Variants in FAR2 observed in about 807,000 individuals in gnomAD.
FAR2 encodes fatty acyl-CoA reductase 2.
In FAR2, 19 loss-of-function variants were observed where a neutral mutation model predicts 56.0. The ratio of observed to expected loss-of-function variants is 0.34; its 90% CI spans 0.24 to 0.50. The LOEUF (loss-of-function observed/expected upper bound fraction) is 0.50. Among genes scored for constraint, FAR2 ranks in the 20% least tolerant of loss-of-function variants. The pLI is 0.98. For missense variants in FAR2, 508 were observed against 642.2 expected, an observed-to-expected ratio of 0.79 and a Z score of 2.26; for synonymous variants, 219 against 218.8, an observed-to-expected ratio of 1.00 and a Z score of -0.01.
At chr12:29,316,382 G>A (rs746068496) in intron 8 of FAR2, among the ~76,000 whole-genome samples, 1 of 152,106 alleles carries the variant, frequency 6.6e-6, no homozygotes, top group African/African-American at 2.4e-5. Context: ...CTTGCCTTGA[G>A]AATCTTTACA....
chr12:29,178,777 A>G lies in FAR2; in HGVS notation c.-39+29370A>G, dbSNP rs551328202. Among the ~76,000 whole-genome samples, 127 of 152,350 alleles carry G rather than the reference A, an allele frequency of 8.3e-4. 1 individual carries two copies. Among genetic ancestry groups the G allele is most frequent in the African/African-American group, 2.9e-3 (119 of 41,578 alleles). ...AAATATCTTCCTTTGCTGACAATATATGGCTTAATTTACGTGTTTATTGAA... is the reference window on the plus strand; with the variant it reads ...AAATATCTTCCTTTGCTGACAATATGTGGCTTAATTTACGTGTTTATTGAA... On this transcript the variant is annotated intron_variant, in intron 1 of 11. Transcript: ENST00000536681.
intron 1 of FAR2, among the ~76,000 whole-genome samples, chr12:29,252,626 A>T (rs1274572223): frequency 9.2e-5 from 14 of 152,234 alleles, no homozygotes; most frequent in Admixed American, 3.3e-4. Context: ...TAAGTTACAG[A>T]TATCACGAAA....
chr12:29,180,044 A>G (rs1949977933), intron 1 of FAR2, among the ~76,000 whole-genome samples: 3 of 152,298 alleles, frequency 2.0e-5, no homozygotes, highest in East Asian at 3.9e-4. Context: ...ACCTTGAGAC[A>G]ATTCAATAGT....
At position 29,218,526 on chromosome 12, in the gene FAR2, C is replaced by T. The variant is rs181777062; in HGVS notation, c.-38-51886C>T. On this transcript the variant is annotated intron_variant, in intron 1 of 11. Transcript: ENST00000536681. The stretch of plus-strand genomic sequence containing the variant: ...GAAAAAGCACATGGACAATCTCAAA[C>T]AGTCAAATATATGTGTAACTGAAGT... 4.8e-3 allele frequency among the ~76,000 whole-genome samples: 722 copies of T among 151,734 alleles called. 7 individuals are homozygous for T. Among genetic ancestry groups the T allele is most frequent in the African/African-American group, 0.017 (688 of 41,484 alleles).
At chr12:29,247,946 A>G (rs1216054822) in intron 1 of FAR2, among the ~76,000 whole-genome samples, 1 of 152,260 alleles carries the variant, frequency 6.6e-6, no homozygotes, top group African/African-American at 2.4e-5. Flanking sequence ...AACATCAGGA[A>G]GTAAGAACCC....
At position 29,270,591 on chromosome 12, in the gene FAR2, G is replaced by A. The variant is rs73063608; in HGVS notation, c.142G>A (p.Ala48Thr). 8 of 1,614,030 alleles carry A rather than the reference G, an allele frequency of 5.0e-6. No homozygotes were observed. Among genetic ancestry groups the A allele is most frequent in the Non-Finnish European group, 5.9e-6 (7 of 1,179,910 alleles). Residue 48 changes from alanine (A) to threonine (T), a missense_variant, in exon 2 of 12, where the codon GCT (alanine) becomes ACT (threonine). Transcript: ENST00000536681. ...KVIYILVRPK[A>T]GQTLQQRVFQ... Reference sequence around the variant, plus strand: ...CATTTACATCCTTGTGAGGCCCAAGGCTGGCCAGACACTGCAGCAGAGGGT... The same window carrying A: ...CATTTACATCCTTGTGAGGCCCAAGACTGGCCAGACACTGCAGCAGAGGGT...
In FAR2 at chr12:29,297,963, G is replaced by A. The variant is rs187537044; in HGVS notation, c.545+763G>A. Reference sequence around the variant, plus strand: ...CCTGGGGAGAATCGCTTGAACCTGGGAGGCAGAGGTTGCAATGAGCCGAGA... The same window carrying A: ...CCTGGGGAGAATCGCTTGAACCTGGAAGGCAGAGGTTGCAATGAGCCGAGA... On this transcript the variant is annotated intron_variant, in intron 4 of 11. Coordinates refer to ENST00000536681, the MANE Select transcript of FAR2 (RefSeq NM_001271783.2). Among the ~76,000 whole-genome samples, 46 of 151,272 alleles carry A rather than the reference G, an allele frequency of 3.0e-4. No individual in the cohort carries two copies. The East Asian group carries it at 9.0e-3, about 30-fold the overall frequency.
At chr12:29,250,288 G>A (rs1948187581) in intron 1 of FAR2, among the ~76,000 whole-genome samples, 1 of 152,102 alleles carries the variant, frequency 6.6e-6, no homozygotes, top group Non-Finnish European at 1.5e-5. Flanking sequence ...ATTCTGTTCT[G>A]GTCAGACCAG....
rs547061016 is a variant in FAR2, at chr12:29,248,605, C to T, written c.-38-21807C>T. ...AAATTGCTAATGAAGTTTCGGGCAC[C>T]ATTGTCATTGATAACATCTTATCAG... On this transcript the variant is annotated intron_variant, in intron 1 of 11. Transcript: ENST00000536681. Among the ~76,000 whole-genome samples, 33 of 152,170 alleles carry T rather than the reference C, an allele frequency of 2.2e-4. 1 individual carries two copies. The highest frequency in any genetic ancestry group is 2.8e-4 in the Non-Finnish European group (19 of 68,036).
chr12:29,305,658 G>A (rs1266979635), intron 4 of FAR2, among the ~76,000 whole-genome samples: 3 of 151,998 alleles, frequency 2.0e-5, no homozygotes, highest in Non-Finnish European at 4.4e-5. Context: ...TTATATTCCT[G>A]TTTACTCTTA....
chr12:29,235,862 G>A (rs1352477170), intron 1 of FAR2, among the ~76,000 whole-genome samples: 1 of 152,124 alleles, frequency 6.6e-6, no homozygotes, highest in Non-Finnish European at 1.5e-5. Context: ...AATAATTTCA[G>A]TAAACTCTAG....
At chr12:29,180,864 T>G (rs558451799) in intron 1 of FAR2, among the ~76,000 whole-genome samples, 84 of 152,204 alleles carry the variant, frequency 5.5e-4, no homozygotes, top group Admixed American at 5.2e-3. Context: ...ATCATTTGGT[T>G]TTCTCATTTT....
chr12:29,264,222 C>G (rs1486751244), intron 1 of FAR2, among the ~76,000 whole-genome samples: 1 of 152,082 alleles, frequency 6.6e-6, no homozygotes, highest in Admixed American at 6.6e-5. Flanking sequence ...GGACAAAAAC[C>G]ATATGATCAT....
At chr12:29,247,539 A>G (rs1948147326) in intron 1 of FAR2, among the ~76,000 whole-genome samples, 1 of 152,182 alleles carries the variant, frequency 6.6e-6, no homozygotes, top group African/African-American at 2.4e-5. Context: ...CTTTTAAGCA[A>G]GGCCTTGTTA....
chr12:29,232,821 G>GCGCGCA (rs71444325), intron 1 of FAR2, among the ~76,000 whole-genome samples: 17 of 145,858 alleles, frequency 1.2e-4, no homozygotes, highest in African/African-American at 4.3e-4. Context: ...ACGCGCTCGC[G>GCGCGCA]CACACACACA....
intron 4 of FAR2, 57 bp from the exon 5 acceptor site, chr12:29,307,601 C>T (rs1048890249): frequency 2.1e-5 from 32 of 1,489,376 alleles, no homozygotes; most frequent in African/African-American, 2.8e-5. Flanking sequence ...CTCACATTTT[C>T]CTTTTGGTTT....
chr12:29,299,905 C>T (rs1949134502), intron 4 of FAR2, among the ~76,000 whole-genome samples: 1 of 152,236 alleles, frequency 6.6e-6, no homozygotes, highest in South Asian at 2.1e-4. Context: ...GCACCCTTCC[C>T]AAGTGCTCCC....
At chr12:29,209,097 G>A (rs1947511999) in intron 1 of FAR2, among the ~76,000 whole-genome samples, 1 of 150,818 alleles carries the variant, frequency 6.6e-6, no homozygotes, top group Admixed American at 6.6e-5. Flanking sequence ...AAAAAAAAAA[G>A]TACTACACAG....
In FAR2 at chr12:29,159,373, C is replaced by T. The variant is rs1169678722; in HGVS notation, c.-39+9966C>T. On this transcript the variant is annotated intron_variant, in intron 1 of 11. Coordinates refer to ENST00000536681, the MANE Select transcript of FAR2 (RefSeq NM_001271783.2). ...CTAACATGGTGAAACCCCATCTCTA[C>T]GAAAAATACAAAAAATTAGCTGGGC... 1.6e-4 allele frequency among the ~76,000 whole-genome samples: 25 copies of T among 151,876 alleles called. 1 individual carries two copies. The highest frequency in any genetic ancestry group is 1.0e-3 in the Admixed American group (16 of 15,260).
Sources: gnomAD v4.1 joint callset for allele counts (sites outside exome capture counted in the v4.1 genomes callset) on GRCh38, gnomAD v4.1.1 for gene constraint, MANE v1.5 for transcripts, NCBI Gene and HGNC (gene_info 2026-07-23, HGNC 2026-07-21) for gene names.